AFF1: variants seen among roughly 807,000 people sequenced by gnomAD.
AFF1 encodes the protein AF4/FMR2 family member 1.
AFF1 carries 48 observed loss-of-function variants against 121.7 expected under a neutral mutation model. The ratio of observed to expected loss-of-function variants is 0.39; its 90% CI spans 0.31 to 0.50. The LOEUF is 0.50. Ranked by LOEUF, AFF1 falls within the 20% of genes least tolerant of loss-of-function variation. AFF1 has a pLI of 0.76. For synonymous variants in AFF1, 613 were observed against 563.0 expected, an observed-to-expected ratio of 1.09 and a Z score of -1.26; for missense variants, 1,523 against 1,511.7, an observed-to-expected ratio of 1.01 and a Z score of -0.12.
chr4:86,938,234 G>C (rs989217348), intron 1 of AFF1, among the ~76,000 whole-genome samples: 4 of 152,174 alleles, frequency 2.6e-5, no homozygotes, highest in Non-Finnish European at 4.4e-5. Context: ...CGGATCACTT[G>C]AGGTCAGCGG....
chr4:86,944,483 C>T (rs1260821600), intron 1 of AFF1, among the ~76,000 whole-genome samples: 1 of 151,902 alleles, frequency 6.6e-6, no homozygotes, highest in Non-Finnish European at 1.5e-5. Context: ...TCTCCTGCCT[C>T]AGGCACGCGC....
chr4:87,000,917 C>A (rs62306480), intron 2 of AFF1, among the ~76,000 whole-genome samples: 20,497 of 152,082 alleles, frequency 0.13, 1,863 homozygotes, highest in Middle Eastern at 0.23. Context: ...TATTCTTGAA[C>A]CAAACAGTTG....
chr4:86,999,490 AC>A (rs1330500884), intron 2 of AFF1, among the ~76,000 whole-genome samples: 5 of 152,192 alleles, frequency 3.3e-5, no homozygotes, highest in Admixed American at 6.5e-5. Context: ...TATTGTGTAG[AC>A]ACAATGAGAA....
At chr4:87,055,668 T>TA (rs376288270) in intron 4 of AFF1, among the ~76,000 whole-genome samples, 402 of 152,356 alleles carry the variant, frequency 2.6e-3, no homozygotes, top group African/African-American at 8.6e-3. Flanking sequence ...AGCCAACTGA[T>TA]AATCTTCAGG....
chr4:86,987,607 G>A (rs1292464665), intron 2 of AFF1, among the ~76,000 whole-genome samples: 1 of 152,174 alleles, frequency 6.6e-6, no homozygotes, highest in African/African-American at 2.4e-5. Flanking sequence ...CCAGAGAGTA[G>A]TAATGATTTG....
intron 2 of AFF1, among the ~76,000 whole-genome samples, chr4:87,032,376 T>G (rs1729163552): frequency 6.6e-6 from 1 of 152,224 alleles, no homozygotes; most frequent in South Asian, 2.1e-4. Flanking sequence ...GACATTAAGC[T>G]TTCTTTCTGT....
intron 8 of AFF1, among the ~76,000 whole-genome samples, chr4:87,098,869 A>C (rs575740513): frequency 6.6e-5 from 10 of 152,238 alleles, no homozygotes; most frequent in Non-Finnish European, 1.3e-4. Flanking sequence ...TTGCCAAGTT[A>C]GTAAAGACTG....
At chr4:87,027,935 C>G (rs1401018953) in intron 2 of AFF1, among the ~76,000 whole-genome samples, 1 of 151,850 alleles carries the variant, frequency 6.6e-6, no homozygotes, top group African/African-American at 2.4e-5. Flanking sequence ...GGTGGGATTA[C>G]AGGCGTGCAC....
chr4:87,093,986 A>G (rs1190805020), intron 7 of AFF1, among the ~76,000 whole-genome samples: 1 of 152,062 alleles, frequency 6.6e-6, no homozygotes, highest in Non-Finnish European at 1.5e-5. Context: ...TCCTGTTTAG[A>G]TCATTGATGT....
At chr4:86,941,682 TA>T (rs931425098) in intron 1 of AFF1, among the ~76,000 whole-genome samples, 1 of 149,242 alleles carries the variant, frequency 6.7e-6, no homozygotes, top group African/African-American at 2.4e-5. Flanking sequence ...ATAAATAAAA[TA>T]AAAAATAGCC....
At chr4:86,991,880 G>A (rs1378957267) in intron 2 of AFF1, among the ~76,000 whole-genome samples, 2 of 139,190 alleles carry the variant, frequency 1.4e-5, no homozygotes, top group Non-Finnish European at 3.1e-5. Flanking sequence ...ATTGAAATAT[G>A]GTAGATGCTT....
chr4:87,041,058 G>A (rs1266790448), intron 2 of AFF1, among the ~76,000 whole-genome samples: 1 of 151,254 alleles, frequency 6.6e-6, no homozygotes, highest in Non-Finnish European at 1.5e-5. Flanking sequence ...TGTATTTTTA[G>A]TAGCCACAGG....
chr4:87,088,087 C>T (rs931339604), intron 5 of AFF1, among the ~76,000 whole-genome samples: 2 of 152,150 alleles, frequency 1.3e-5, no homozygotes, highest in Non-Finnish European at 1.5e-5. Context: ...ATAAGTGGTT[C>T]TAGTTTACCT....
At position 87,111,183 on chromosome 4, in the gene AFF1, A is replaced by AT. The variant is rs1383692920; in HGVS notation, c.1533+2883dup. Among the ~76,000 whole-genome samples the AT allele has an allele frequency of 4.2e-3, 245 of 58,592 alleles. 46 individuals are homozygous for AT. The highest frequency in any genetic ancestry group is 0.024 in the Middle Eastern group (2 of 84). 38.4% of individuals were successfully genotyped at this position (58,592 alleles called of 152,430 possible). A position where few individuals can be genotyped will look rare whatever the true frequency, so the allele number is the denominator to read the frequency against. The stretch of plus-strand genomic sequence containing the variant: ...CTACCACGCCCGGCTAATTTTTTGT[A>AT]TTTTTTTTTTTTTTTAGTAGAGACG... On this transcript the variant is annotated intron_variant, in intron 11 of 20. Coordinates refer to ENST00000395146, the MANE Select transcript of AFF1 (RefSeq NM_001166693.3).
At chr4:86,976,569 T>A (rs1383010443) in intron 2 of AFF1, among the ~76,000 whole-genome samples, 1 of 151,922 alleles carries the variant, frequency 6.6e-6, no homozygotes, top group Non-Finnish European at 1.5e-5. Flanking sequence ...AAATATCAAG[T>A]ACATATGGAC....
chr4:86,989,058 AC>A (rs1724506828), intron 2 of AFF1, among the ~76,000 whole-genome samples: 1 of 152,212 alleles, frequency 6.6e-6, no homozygotes, highest in Admixed American at 6.6e-5. Flanking sequence ...AAAGACTTAA[AC>A]ATAAGACCTA....
chr4:87,123,307 A>T (rs931510861), intron 12 of AFF1, among the ~76,000 whole-genome samples: 3 of 152,192 alleles, frequency 2.0e-5, no homozygotes, highest in Non-Finnish European at 4.4e-5. Flanking sequence ...AAAATATTAC[A>T]TTCTCTTTTT....
At chr4:86,960,908 G>A (rs1722099805) in intron 2 of AFF1, among the ~76,000 whole-genome samples, 1 of 152,138 alleles carries the variant, frequency 6.6e-6, no homozygotes, top group Non-Finnish European at 1.5e-5. Context: ...ATTCTAATGT[G>A]TTTACTGACT....
intron 4 of AFF1, among the ~76,000 whole-genome samples, chr4:87,081,265 G>A (rs543248030): frequency 3.6e-5 from 5 of 139,176 alleles, no homozygotes; most frequent in Non-Finnish European, 6.0e-5. Context: ...AGGTTCACAC[G>A]ACTCTCCTGC....
Sources: gnomAD v4.1 joint callset for allele counts (sites outside exome capture counted in the v4.1 genomes callset) on GRCh38, gnomAD v4.1.1 for gene constraint, MANE v1.5 for transcripts, NCBI Gene and HGNC (gene_info 2026-07-23, HGNC 2026-07-21) for gene names.